Variants in EEF1AKMT2 observed in about 807,000 individuals in gnomAD.
The protein encoded by EEF1AKMT2 is EEF1A lysine methyltransferase 2.
Under a neutral mutation model 35.8 loss-of-function variants are expected in EEF1AKMT2, and 32 were observed. The observed-to-expected ratio is 0.89, with a 90% CI of 0.67 to 1.20. The LOEUF is 1.20. Ranked by LOEUF, EEF1AKMT2 falls within the 50% of genes most tolerant of loss-of-function variation. EEF1AKMT2 has a pLI of 0.00. For synonymous variants in EEF1AKMT2, 121 were observed against 133.7 expected, an observed-to-expected ratio of 0.91 and a Z score of 0.65; for missense variants, 330 against 347.5, an observed-to-expected ratio of 0.95 and a Z score of 0.40.
intron 3 of EEF1AKMT2, among the ~76,000 whole-genome samples, chr10:124,781,589 TCAAAAAAAAAAAAGATTCTATATTCAGC>T (rs1950540505): frequency 1.5e-5 from 1 of 67,156 alleles, no homozygotes; most frequent in African/African-American, 5.7e-5. Context: ...AGACTGTGTC[TCAAAAAAAAAAAAGATTCTATATTCAGC>T]CAAAAAAAAA....
intron 4 of EEF1AKMT2, 125 bp from the exon 5 acceptor site, chr10:124,765,733 T>A: frequency 2.9e-6 from 2 of 687,614 alleles, no homozygotes; most frequent in South Asian, 4.1e-5. Context: ...TTACATATAA[T>A]AAACATATTT....
chr10:124,760,806 G>C (rs1378063680), intron 6 of EEF1AKMT2, among the ~76,000 whole-genome samples: 1 of 152,192 alleles, frequency 6.6e-6, no homozygotes, highest in Admixed American at 6.5e-5. Context: ...CTGCAAAGCT[G>C]TATCTCTGTT....
chr10:124,773,806 G>A (rs1012585076), intron 4 of EEF1AKMT2, among the ~76,000 whole-genome samples: 2 of 152,110 alleles, frequency 1.3e-5, no homozygotes, highest in Non-Finnish European at 2.9e-5. Flanking sequence ...ACCAAAATGT[G>A]ACACACAGAT....
chr10:124,766,633 C>CTA (rs573438698), intron 4 of EEF1AKMT2, among the ~76,000 whole-genome samples: 104 of 152,238 alleles, frequency 6.8e-4, no homozygotes, highest in African/African-American at 2.4e-3. Context: ...ATCTAAAACT[C>CTA]TATTGACTTA....
chr10:124,757,132 C>G (rs938951523), downstream of EEF1AKMT2, among the ~76,000 whole-genome samples: 1 of 151,078 alleles, frequency 6.6e-6, no homozygotes, highest in Non-Finnish European at 1.5e-5. Context: ...ATGTACGAGA[C>G]AAGACTTCTT....
At position 124,758,677 on chromosome 10, in the gene EEF1AKMT2, T is replaced by C. The variant is rs1198955700; in HGVS notation, c.*1826A>G. ...AGTTTGTAGGATTAGCACATTAAAA[T>C]AGCATATACTTAACTCAAAATTCTA... On this transcript the variant is annotated 3_prime_UTR_variant, in exon 7 of 7. Coordinates refer to ENST00000368836, the MANE Select transcript of EEF1AKMT2 (RefSeq NM_212554.4). The C allele has an allele frequency of 1.3e-5, 2 of 152,104 alleles. No homozygotes were observed. Among genetic ancestry groups the C allele is most frequent in the Admixed American group, 6.6e-5 (1 of 15,264 alleles). The allele number at this position is 152,104 out of a possible 1,614,324, so 9.4% of individuals were successfully genotyped here.
intron 3 of EEF1AKMT2, among the ~76,000 whole-genome samples, chr10:124,778,250 T>C (rs1188010764): frequency 1.1e-4 from 17 of 151,754 alleles, no homozygotes. Flanking sequence ...ACCCAATCCA[T>C]ATGTGGAATC....
downstream of EEF1AKMT2, among the ~76,000 whole-genome samples, chr10:124,757,166 C>CCACACACA (rs55709011): frequency 0.042 from 5,968 of 143,218 alleles, 169 homozygotes; most frequent in Non-Finnish European, 0.061. Context: ...ACACTCCCTC[C>CCACACACA]CACACACACA....
Position 124,758,539 on chromosome 10 carries a change from CA to C in EEF1AKMT2, c.*1963del, listed in dbSNP as rs1393914850. 4 of 150,600 alleles carry C rather than the reference CA, an allele frequency of 2.7e-5. No homozygotes were observed. 9.3% of individuals were successfully genotyped at this position (150,600 alleles called of 1,614,324 possible). The stretch of plus-strand genomic sequence containing the variant: ...AAAAAAAAGAAAACCTTCACCTTTG[CA>C]AATGGCACTAACATGCCCCAAATAG... On this transcript the variant is annotated 3_prime_UTR_variant, in exon 7 of 7. Transcript: ENST00000368836.
chr10:124,767,160 T>TAA (rs903606562), intron 4 of EEF1AKMT2, among the ~76,000 whole-genome samples: 66 of 104,148 alleles, frequency 6.3e-4, no homozygotes, highest in African/African-American at 2.3e-3. Flanking sequence ...GACTCCATCT[T>TAA]AAAAAAAAAA....
intron 4 of EEF1AKMT2, among the ~76,000 whole-genome samples, chr10:124,770,739 A>G (rs573799632): frequency 1.3e-5 from 2 of 152,326 alleles, no homozygotes; most frequent in Non-Finnish European, 2.9e-5. Context: ...CTGCTTTATC[A>G]ACTAAGTTTA....
intron 4 of EEF1AKMT2, among the ~76,000 whole-genome samples, chr10:124,768,511 G>A (rs903995677): frequency 3.9e-4 from 59 of 152,172 alleles, no homozygotes; most frequent in African/African-American, 1.4e-3. Flanking sequence ...TTGGGAGGCC[G>A]AGGCAGGCAG....
chr10:124,776,598 G>A (rs902031501), intron 3 of EEF1AKMT2, among the ~76,000 whole-genome samples: 7 of 151,842 alleles, frequency 4.6e-5, no homozygotes, highest in Non-Finnish European at 8.8e-5. Context: ...GACCAGCCTG[G>A]CCAACACGGT....
Position 124,789,079 on chromosome 10 carries a change from A to G in EEF1AKMT2, c.255T>C (p.Asp85=). The change falls in exon 3 of 7, where the codon GAT becomes GAC. Residue 85 remains aspartate (D), a synonymous_variant. Coordinates refer to ENST00000368836, the MANE Select transcript of EEF1AKMT2 (RefSeq NM_212554.4). Reference sequence around the variant, plus strand: ...GGAAAACACCATTTCCAGTTCCAATATCAAGCACTGAAGCATCCAGTGGAA... The same window carrying G: ...GGAAAACACCATTTCCAGTTCCAATGTCAAGCACTGAAGCATCCAGTGGAA... The part of the protein sequence containing the change: ...HKIPLDASVL[D]IGTGNGVFLV... 6.2e-7 allele frequency: 1 copy of G among 1,613,618 alleles called. No homozygotes were observed. The highest frequency in any genetic ancestry group is 8.5e-7 in the Non-Finnish European group (1 of 1,179,780).
intron 4 of EEF1AKMT2, among the ~76,000 whole-genome samples, chr10:124,772,420 C>CTTTTTTTTTTTTTTTTTTTTTTTTTTT (rs59707540): frequency 1.3e-5 from 1 of 75,412 alleles, no homozygotes; most frequent in African/African-American, 5.2e-5. Context: ...TTTTCTTTTT[C>CTTTTTTTTTTTTTTTTTTTTTTTTTTT]TTTTTTTTTT....
intron 5 of EEF1AKMT2, among the ~76,000 whole-genome samples, chr10:124,764,547 T>C (rs549796003): frequency 2.0e-5 from 3 of 152,348 alleles, no homozygotes; most frequent in African/African-American, 7.2e-5. Context: ...AATTACACTT[T>C]GCTAACTAGG....
At chr10:124,790,590 T>C (rs922207540) in intron 1 of EEF1AKMT2, among the ~76,000 whole-genome samples, 11 of 152,152 alleles carry the variant, frequency 7.2e-5, no homozygotes, top group Non-Finnish European at 1.0e-4. Context: ...CAATAAGTTT[T>C]AGCCTAAAAA....
chr10:124,781,618 C>CAAAAAAAAA (rs34232151), intron 3 of EEF1AKMT2, among the ~76,000 whole-genome samples: 1 of 100,980 alleles, frequency 9.9e-6, no homozygotes, highest in Non-Finnish European at 1.9e-5. Flanking sequence ...TATATTCAGC[C>CAAAAAAAAA]AAAAAAAAAA....
At chr10:124,783,086 T>A (rs1211342806) in intron 3 of EEF1AKMT2, 1 of 233,156 alleles carries the variant, frequency 4.3e-6, no homozygotes, top group Non-Finnish European at 8.7e-6. Context: ...AGGATGGCTA[T>A]AATTTAAAAG....
Sources: allele counts gnomAD v4.1 joint callset (sites outside exome capture counted in the v4.1 genomes callset), GRCh38; gene constraint gnomAD v4.1.1; transcripts MANE v1.5; gene names NCBI Gene and HGNC (gene_info 2026-07-23, HGNC 2026-07-21).